RNF146: variants seen among roughly 807,000 people sequenced by gnomAD.
The protein encoded by RNF146 is ring finger protein 146.
A neutral mutation model predicts 29.7 loss-of-function variants in RNF146; 11 were observed. The ratio of observed to expected loss-of-function variants is 0.37; its 90% confidence interval spans 0.23 to 0.61. The LOEUF (loss-of-function observed/expected upper bound fraction) is 0.61, where lower values mean the gene tolerates loss of function less well. Ranked by LOEUF, RNF146 falls within the 20% of genes least tolerant of loss-of-function variation. RNF146 has a pLI of 0.66. For missense variants in RNF146, 342 were observed against 438.9 expected (o/e 0.78, Z 1.97); for synonymous variants, 150 against 159.7 (o/e 0.94, Z 0.46).
chr6:127,278,785 A>G (rs1778569747), intron 1 of RNF146, among the ~76,000 whole-genome samples: 1 of 151,876 alleles, frequency 6.6e-6, no homozygotes, highest in African/African-American at 2.4e-5. Flanking sequence ...CAAAGGTCCT[A>G]TTTTTCTACA....
chr6:127,279,350 G>A (rs1396536677), intron 1 of RNF146, among the ~76,000 whole-genome samples: 2 of 151,814 alleles, frequency 1.3e-5, no homozygotes, highest in Non-Finnish European at 2.9e-5. Context: ...AAATCCAGTT[G>A]TCCCAACAAC....
At position 127,286,126 on chromosome 6, in the gene RNF146, A is replaced by C. The variant is rs570604835; in HGVS notation, c.3-490A>C. ...CCTTTATGAAGCTTTAGTGATTACA[A>C]AGCACTTTTTTTGTCCATTTTTACC... On this transcript the variant is annotated intron_variant, in intron 2 of 2. Coordinates refer to ENST00000368314, the MANE Select transcript of RNF146 (RefSeq NM_001242850.2). This position sits in a 1 kb window ranked among gnomAD's most constrained non-coding sequence, Gnocchi z 4.6. 300 of 1,230,892 alleles carry C rather than the reference A, an allele frequency of 2.4e-4. No individual in the cohort carries two copies. In the African/African-American group the frequency reaches 4.4e-3, roughly 18 times the overall value. The allele number at this position is 1,230,892 out of a possible 1,614,324, so 76.2% of individuals were successfully genotyped here.
At chr6:127,281,631 GAAC>G (rs575224133) in intron 2 of RNF146, among the ~76,000 whole-genome samples, 18 of 151,870 alleles carry the variant, frequency 1.2e-4, no homozygotes, top group Non-Finnish European at 2.2e-4. Context: ...AGGAGTCAGG[GAAC>G]AGTAATATGT....
Position 127,287,392 on chromosome 6 carries a change from G to C in RNF146, c.779G>C (p.Arg260Thr). 6.2e-7 allele frequency: 1 copy of C among 1,613,482 alleles called. No individual in the cohort carries two copies. Among genetic ancestry groups the C allele is most frequent in the Non-Finnish European group, 8.5e-7 (1 of 1,179,648 alleles). ...LQLSGDNTAE[R>T]SHRGEGEEDH... is the part of the protein sequence containing the mutation. ...CTCAGTGGAGACAACACAGCTGAAAGGAGTCATAGGGGAGAAGGAGAAGAA... is the reference window on the plus strand; with the variant it reads ...CTCAGTGGAGACAACACAGCTGAAACGAGTCATAGGGGAGAAGGAGAAGAA... The change falls in exon 3 of 3, where the codon AGG (arginine) becomes ACG (threonine). Residue 260 changes from arginine (R) to threonine (T), a missense_variant. Physicochemically the swap from Arg to Thr is moderately conservative, Grantham distance 71. Around this residue, in one of 6 missense-constraint regions of RNF146, gnomAD observed 196 missense variants for 208.9 expected, o/e 0.94. Coordinates refer to ENST00000368314, the MANE Select transcript of RNF146 (RefSeq NM_001242850.2).
At chr6:127,282,622 AC>A (rs1779050756) in intron 2 of RNF146, among the ~76,000 whole-genome samples, 2 of 151,876 alleles carry the variant, frequency 1.3e-5, no homozygotes, top group South Asian at 4.1e-4. Flanking sequence ...TTGGAAACTT[AC>A]ATCAGCAACC....
intron 1 of RNF146, among the ~76,000 whole-genome samples, 172 bp from the exon 2 acceptor site, chr6:127,280,059 C>G (rs945202558): frequency 2.6e-5 from 4 of 151,710 alleles, no homozygotes; most frequent in Admixed American, 1.3e-4. Flanking sequence ...TCTCTTTTCC[C>G]TAATTTGCTC....
intron 1 of RNF146, among the ~76,000 whole-genome samples, chr6:127,272,847 G>T (rs1357902670): frequency 6.6e-6 from 1 of 152,134 alleles, no homozygotes; most frequent in Non-Finnish European, 1.5e-5. Flanking sequence ...TGTAAAGTCA[G>T]TTAACACGTT....
At chr6:127,283,319 CTTAGT>C (rs1779136566) in intron 2 of RNF146, among the ~76,000 whole-genome samples, 1 of 151,732 alleles carries the variant, frequency 6.6e-6, no homozygotes, top group Admixed American at 6.6e-5. Flanking sequence ...GTATTAAATT[CTTAGT>C]TTAGTAAACT....
chr6:127,287,964 TA>T lies in RNF146; in HGVS notation c.*272del, dbSNP rs1210390876. The T allele has an allele frequency of 3.8e-5, 10 of 266,548 alleles. No individual in the cohort carries two copies. The South Asian group carries it at 7.1e-4, about 19-fold the overall frequency. 16.5% of individuals were successfully genotyped at this position (266,548 alleles called of 1,614,324 possible). A position where few individuals can be genotyped will look rare whatever the true frequency, so the allele number is the denominator to read the frequency against. On this transcript the variant is annotated 3_prime_UTR_variant, in exon 3 of 3. Coordinates refer to ENST00000368314, the MANE Select transcript of RNF146 (RefSeq NM_001242850.2). The stretch of plus-strand genomic sequence containing the variant: ...ACTTTATACTTTTTAAAAACTTCTG[TA>T]GTTCTTTTGGCCAGTGTGTTTGTAT...
chr6:127,267,475 T>C (rs1776813929), intron 1 of RNF146, among the ~76,000 whole-genome samples: 2 of 152,202 alleles, frequency 1.3e-5, no homozygotes, highest in Admixed American at 6.5e-5. Context: ...GCTCCATGTT[T>C]TCCCGTGTGG....
At chr6:127,280,497 TAA>T (rs926305579) in intron 2 of RNF146, 157 bp downstream of exon 2, 57 of 1,283,884 alleles carry the variant, frequency 4.4e-5, no homozygotes, top group South Asian at 7.6e-5. Context: ...TTATTTACAT[TAA>T]GTTATCGTTA....
chr6:127,278,936 CTTCT>C (rs753641494), intron 1 of RNF146, among the ~76,000 whole-genome samples: 1 of 151,884 alleles, frequency 6.6e-6, no homozygotes, highest in Non-Finnish European at 1.5e-5. Context: ...ATTTGTGTAT[CTTCT>C]TTAAGTTCTT....
chr6:127,279,877 G>A (rs1313916131), intron 1 of RNF146, among the ~76,000 whole-genome samples: 1 of 151,528 alleles, frequency 6.6e-6, no homozygotes, highest in Non-Finnish European at 1.5e-5. Context: ...TTTCTTTTTT[G>A]GATTGTTGTC....
chr6:127,287,661 C>G lies in RNF146; in HGVS notation c.1048C>G (p.Pro350Ala), dbSNP rs1429051111. The change falls in exon 3 of 3, where the codon CCT becomes GCT. Residue 350 changes from proline (P) to alanine (A), a missense_variant. This residue lies in a region of RNF146 where 196 missense variants were observed against 208.9 expected (regional missense o/e 0.94). Transcript: ENST00000368314. ...TVSVSVRSRR[P>A]DGQCTVTEV ...GAGTGTCAGTGTCAGATCTAGAAGG[C>G]CTGATGGACAGTGCACAGTAACTGA... is the stretch of plus-strand genomic sequence containing the variant. The G allele has an allele frequency of 1.2e-6, 2 of 1,602,100 alleles. No individual in the cohort carries two copies. Among genetic ancestry groups the G allele is most frequent in the East Asian group, 4.5e-5 (2 of 44,610 alleles).
chr6:127,268,245 G>T (rs1424663327), intron 1 of RNF146, among the ~76,000 whole-genome samples: 1 of 152,158 alleles, frequency 6.6e-6, no homozygotes, highest in Non-Finnish European at 1.5e-5. Flanking sequence ...GGATGTGAAC[G>T]TATAATATTG....
chr6:127,287,108 G>T lies in RNF146; in HGVS notation c.495G>T (p.Lys165Asn), dbSNP rs1462511101. Residue 165 changes from lysine to asparagine, a missense_variant, in exon 3 of 3, where the codon AAG (lysine) becomes AAT (asparagine). By Grantham distance (94) the Lys-to-Asn change is moderately conservative. This residue lies in a region of RNF146 where 28 missense variants were observed against 40.7 expected (regional missense o/e 0.69). Coordinates refer to ENST00000368314, the MANE Select transcript of RNF146 (RefSeq NM_001242850.2). ...GAAATGAACATGGACGTCGCAGGAA[G>T]ATTAAGCGAGATATAATAGATATAC... ...YRRNEHGRRR[K>N]IKRDIIDIPK... 1 of 1,613,338 alleles carries T rather than the reference G, an allele frequency of 6.2e-7. No homozygotes were observed. The highest frequency in any genetic ancestry group is 8.5e-7 in the Non-Finnish European group (1 of 1,179,612).
intron 1 of RNF146, among the ~76,000 whole-genome samples, chr6:127,271,024 C>T (rs1213954851): frequency 6.6e-6 from 1 of 152,036 alleles, no homozygotes; most frequent in Non-Finnish European, 1.5e-5. Flanking sequence ...CCATGTTGGC[C>T]AGGATGGTAT....
Position 127,287,449 on chromosome 6 carries a change from C to A in RNF146, c.836C>A (p.Pro279Gln). The stretch of plus-strand genomic sequence containing the variant: ...GAATCACCATCTTCAGGCAGGGTAC[C>A]AGCACCAGACACCTCCATTGAAGAA... Reference protein sequence around the residue: ...DHESPSSGRVPAPDTSIEETE... With the variant: ...DHESPSSGRVQAPDTSIEETE... Residue 279 changes from proline (P) to glutamine (Q), a missense_variant, in exon 3 of 3, where the codon CCA becomes CAA. Coordinates refer to ENST00000368314, the MANE Select transcript of RNF146 (RefSeq NM_001242850.2). 6.2e-7 allele frequency: 1 copy of A among 1,613,428 alleles called. No homozygotes were observed.
chr6:127,267,515 C>T (rs1776821234), intron 1 of RNF146, among the ~76,000 whole-genome samples: 1 of 152,162 alleles, frequency 6.6e-6, no homozygotes, highest in African/African-American at 2.4e-5. Flanking sequence ...TGGGTCAGAT[C>T]GAAGCCAGGG....
Sources: gnomAD v4.1 joint callset for allele counts (sites outside exome capture counted in the v4.1 genomes callset) on GRCh38, gnomAD v4.1.1 for gene constraint, gnomAD v4.1.1 regional missense constraint, Gnocchi (gnomAD v3.1) non-coding constraint, MANE v1.5 for transcripts, NCBI Gene and HGNC (gene_info 2026-07-23, HGNC 2026-07-21) for gene names.